The following ERBIN variants were observed in gnomAD, a reference collection of about 807,000 sequenced individuals.
ERBIN encodes erbb2 interacting protein, also known as densin-180-like protein.
In ERBIN, 60 loss-of-function variants were observed where a neutral mutation model predicts 158.4. The ratio of observed to expected loss-of-function variants is 0.38; its 90% CI spans 0.31 to 0.47. The LOEUF (loss-of-function observed/expected upper bound fraction) is 0.47, where lower values mean the gene tolerates loss of function less well. Among genes scored for constraint, ERBIN ranks in the 20% least tolerant of loss-of-function variants. The probability of loss-of-function intolerance (pLI) is 0.99; values close to 1 mark genes in which losing one functional copy is unlikely to be tolerated. For missense variants in ERBIN, 1,610 were observed against 1,648.0 expected (o/e 0.98, Z 0.40); for synonymous variants, 594 against 557.2 (o/e 1.07, Z -0.93).
intron 21 of ERBIN, chr5:66,069,044 A>T (rs1761290833): frequency 8.2e-6 from 12 of 1,458,288 alleles, no homozygotes; most frequent in Non-Finnish European, 1.1e-5. Context: ...CTAGACCAAT[A>T]CTTTTAGCTT....
chr5:66,074,820 C>G (rs1248600344), intron 22 of ERBIN, among the ~76,000 whole-genome samples: 1 of 152,090 alleles, frequency 6.6e-6, no homozygotes, highest in Admixed American at 6.5e-5. Flanking sequence ...ACAACAAGCA[C>G]TCAGGAAACT....
At chr5:65,965,888 T>C (rs1748563186) in intron 1 of ERBIN, among the ~76,000 whole-genome samples, 1 of 152,244 alleles carries the variant, frequency 6.6e-6, no homozygotes, top group Non-Finnish European at 1.5e-5. Context: ...CTTGTATATA[T>C]TTAGTCATGC....
intron 1 of ERBIN, among the ~76,000 whole-genome samples, chr5:65,952,486 A>G (rs754015958): frequency 3.3e-5 from 5 of 151,964 alleles, no homozygotes; most frequent in Non-Finnish European, 5.9e-5. Context: ...CAGCCTGCCA[A>G]GTAGCTGTGA....
chr5:66,076,124 G>A, intron 23 of ERBIN, 192 bp from the exon 24 acceptor site: 1 of 562,424 alleles, frequency 1.8e-6, no homozygotes, highest in Non-Finnish European at 3.1e-6. Flanking sequence ...TCCCAGCTCT[G>A]CCTTTAACTC....
chr5:65,974,167 C>T (rs1016385451), intron 1 of ERBIN, among the ~76,000 whole-genome samples: 2 of 151,638 alleles, frequency 1.3e-5, no homozygotes, highest in African/African-American at 4.9e-5. Context: ...TTTATTGCAG[C>T]AAAAACAAAA....
intron 14 of ERBIN, among the ~76,000 whole-genome samples, chr5:66,032,968 A>T (rs1757040712): frequency 6.6e-6 from 1 of 152,214 alleles, no homozygotes; most frequent in Admixed American, 6.5e-5. Context: ...GCTAAGTTCT[A>T]GTTAAACATG....
chr5:66,076,439 C>G (rs1488748760), intron 24 of ERBIN, 31 bp downstream of exon 24: 1 of 1,492,464 alleles, frequency 6.7e-7, no homozygotes, highest in East Asian at 2.3e-5. Flanking sequence ...CTTGAAACAC[C>G]TATAAAGTTT....
At chr5:65,985,778 G>T (rs1751159924) in intron 1 of ERBIN, among the ~76,000 whole-genome samples, 1 of 152,096 alleles carries the variant, frequency 6.6e-6, no homozygotes, top group Non-Finnish European at 1.5e-5. Context: ...GTCGATTCTA[G>T]TTCTTCTGTT....
intron 1 of ERBIN, among the ~76,000 whole-genome samples, chr5:65,937,900 T>C (rs1744289069): frequency 6.6e-6 from 1 of 152,052 alleles, no homozygotes; most frequent in East Asian, 1.9e-4. Flanking sequence ...TGAGCTAGAC[T>C]CCCATCTCAA....
rs370141887 is a variant in ERBIN at position 66,077,191 on chromosome 5, T to C, written c.4131+242T>C. 3.0e-4 allele frequency among the ~76,000 whole-genome samples: 46 copies of C among 152,116 alleles called. No individual in the cohort carries two copies. The East Asian group carries it at 8.5e-3, about 28-fold the overall frequency. ...AAAAGTTTGATACATCATAGGATTT[T>C]GTTTAAGCTCAGGAATGTTAATTTT... On this transcript the variant is annotated intron_variant, in intron 25 of 25. Transcript: ENST00000284037.
At chr5:66,019,778 A>G (rs572970371) in intron 7 of ERBIN, among the ~76,000 whole-genome samples, 4 of 152,206 alleles carry the variant, frequency 2.6e-5, no homozygotes, top group African/African-American at 9.6e-5. Flanking sequence ...CCTTTTCTAA[A>G]ACTGTTATGC....
intron 7 of ERBIN, among the ~76,000 whole-genome samples, chr5:66,019,482 A>G (rs1442270761): frequency 6.6e-6 from 1 of 152,180 alleles, no homozygotes; most frequent in Non-Finnish European, 1.5e-5. Context: ...GATGGGAGAA[A>G]ATATGAGGGA....
At chr5:66,003,022 C>T (rs1286605517) in intron 4 of ERBIN, among the ~76,000 whole-genome samples, 1 of 152,198 alleles carries the variant, frequency 6.6e-6, no homozygotes, top group Non-Finnish European at 1.5e-5. Flanking sequence ...TGTGCCCTAC[C>T]ATAGCGTAGG....
chr5:65,972,014 T>C (rs2150988293), intron 1 of ERBIN, among the ~76,000 whole-genome samples: 1 of 152,328 alleles, frequency 6.6e-6, no homozygotes, highest in East Asian at 1.9e-4. Context: ...CTATAAGGGC[T>C]GCAGTTTTAA....
intron 1 of ERBIN, among the ~76,000 whole-genome samples, chr5:65,965,227 C>T (rs1003059747): frequency 2.6e-5 from 4 of 151,440 alleles, no homozygotes; most frequent in African/African-American, 7.3e-5. Flanking sequence ...TGTTTGGGTT[C>T]TGTGATGTCA....
At chr5:65,945,286 T>C (rs1376389194) in intron 1 of ERBIN, among the ~76,000 whole-genome samples, 2 of 152,354 alleles carry the variant, frequency 1.3e-5, no homozygotes, top group East Asian at 1.9e-4. Context: ...ACCATCTCCA[T>C]GGACAAAGAA....
In ERBIN at chr5:66,026,421, C is replaced by A; in HGVS notation, c.1136+4C>A. ...TCATTAATTTAAGTGATAATAGGTT[C>A]GTAATACTATATTCATCAGTTGGTT... On this transcript the variant is annotated splice_donor_region_variant and intron_variant, in intron 13 of 25. Coordinates refer to ENST00000284037, the MANE Select transcript of ERBIN (RefSeq NM_001253697.2). The A allele has an allele frequency of 2.0e-6, 3 of 1,477,274 alleles. No individual in the cohort carries two copies. Among genetic ancestry groups the A allele is most frequent in the South Asian group, 1.2e-5 (1 of 83,780 alleles). The allele number at this position is 1,477,274 out of a possible 1,614,324, so 91.5% of individuals were successfully genotyped here.
chr5:65,976,607 C>A (rs1749897514), intron 1 of ERBIN, among the ~76,000 whole-genome samples: 1 of 149,538 alleles, frequency 6.7e-6, no homozygotes, highest in Non-Finnish European at 1.5e-5. Context: ...AAGGGAAGGT[C>A]AGCAGATAAA....
At chr5:65,968,094 T>C (rs1393876133) in intron 1 of ERBIN, among the ~76,000 whole-genome samples, 1 of 152,264 alleles carries the variant, frequency 6.6e-6, no homozygotes, top group African/African-American at 2.4e-5. Context: ...CCAGCTCTTA[T>C]TCCAATGACG....
Sources: allele counts gnomAD v4.1 joint callset (sites outside exome capture counted in the v4.1 genomes callset), GRCh38; gene constraint gnomAD v4.1.1; transcripts MANE v1.5; gene names NCBI Gene and HGNC (gene_info 2026-07-23, HGNC 2026-07-21).